PTPRD: variants seen among roughly 807,000 people sequenced by gnomAD.
PTPRD encodes the protein receptor-type tyrosine-protein phosphatase delta.
PTPRD carries 34 observed loss-of-function variants against 214.5 expected under a neutral mutation model. The ratio of observed to expected loss-of-function variants is 0.16; its 90% CI spans 0.12 to 0.21. The LOEUF (loss-of-function observed/expected upper bound fraction) is 0.21, where lower values mean the gene tolerates loss of function less well. Ranked by LOEUF, PTPRD falls within the 10% of genes least tolerant of loss-of-function variation. PTPRD has a pLI of 1.00. For synonymous variants in PTPRD, 1,128 were observed against 845.7 expected (o/e 1.33, Z -5.79); for missense variants, 2,545 against 2,398.7 (o/e 1.06, Z -1.27).
At chr9:8,861,198 G>A (rs2098097232) in intron 11 of PTPRD, 1 of 152,098 alleles carries the variant, frequency 6.6e-6, no homozygotes, top group Admixed American at 6.6e-5. Context: ...TTATCATGAG[G>A]CATCCTAACA....
chr9:8,855,652 G>T (rs1164917597), intron 11 of PTPRD, among the ~76,000 whole-genome samples: 1 of 152,098 alleles, frequency 6.6e-6, no homozygotes, highest in African/African-American at 2.4e-5. Flanking sequence ...ATAAGATACA[G>T]ATAAAAATTG....
intron 9 of PTPRD, among the ~76,000 whole-genome samples, chr9:9,292,747 T>G (rs930538201): frequency 6.6e-6 from 1 of 151,494 alleles, no homozygotes; most frequent in Non-Finnish European, 1.5e-5. Flanking sequence ...GCTGCGACAG[T>G]TTCTTAGACT....
intron 9 of PTPRD, among the ~76,000 whole-genome samples, chr9:9,215,764 C>T (rs2099951747): frequency 6.6e-6 from 1 of 152,136 alleles, no homozygotes; most frequent in Non-Finnish European, 1.5e-5. Flanking sequence ...TACATTGATT[C>T]ATTGATTCAC....
intron 3 of PTPRD, among the ~76,000 whole-genome samples, chr9:10,271,015 G>C (rs1437739509): frequency 6.6e-6 from 1 of 151,982 alleles, no homozygotes; most frequent in African/African-American, 2.4e-5. Flanking sequence ...TGTAGAGATA[G>C]GGTCTTGCTA....
At chr9:10,322,347 C>G (rs968626680) in intron 3 of PTPRD, among the ~76,000 whole-genome samples, 1 of 152,032 alleles carries the variant, frequency 6.6e-6, no homozygotes, top group Non-Finnish European at 1.5e-5. Flanking sequence ...ACACAATAAG[C>G]TATGTTAGGA....
chr9:9,245,849 A>C (rs1259117901), intron 9 of PTPRD, among the ~76,000 whole-genome samples: 1 of 152,130 alleles, frequency 6.6e-6, no homozygotes, highest in African/African-American at 2.4e-5. Context: ...TTGAGCAGAA[A>C]TAAATTTTCT....
At chr9:10,189,236 T>A (rs916401753) in intron 3 of PTPRD, among the ~76,000 whole-genome samples, 1 of 152,152 alleles carries the variant, frequency 6.6e-6, no homozygotes, top group Admixed American at 6.5e-5. Context: ...AATTTCACTG[T>A]GGGAATTGCC....
At chr9:10,084,706 C>G (rs1402134627) in intron 3 of PTPRD, among the ~76,000 whole-genome samples, 1 of 151,922 alleles carries the variant, frequency 6.6e-6, no homozygotes, top group Non-Finnish European at 1.5e-5. Context: ...CTTCGCAACT[C>G]TGCCTTGTGG....
chr9:10,372,073 G>T (rs957103687), intron 2 of PTPRD, among the ~76,000 whole-genome samples: 1 of 151,918 alleles, frequency 6.6e-6, no homozygotes, highest in African/African-American at 2.4e-5. Flanking sequence ...GAGAAAATGG[G>T]GCCAACACAA....
At chr9:10,489,146 G>A (rs2099151852) in intron 2 of PTPRD, among the ~76,000 whole-genome samples, 2 of 152,120 alleles carry the variant, frequency 1.3e-5, no homozygotes, top group African/African-American at 4.8e-5. Context: ...GATCACTCGG[G>A]GCCCAGGAAC....
Position 8,709,545 on chromosome 9 carries a change from A to G in PTPRD, c.64+24235T>C, listed in dbSNP as rs563026953. ...AAAAAAAAAAAAGAAAAAGAAAAAG[A>G]AAAAGAAAAATGCTAACAGAATGGA... On this transcript the variant is annotated intron_variant, in intron 12 of 45. Transcript: ENST00000381196. Among the ~76,000 whole-genome samples, 42 of 151,644 alleles carry G rather than the reference A, an allele frequency of 2.8e-4. No homozygotes were observed. The South Asian group carries it at 5.4e-3, about 20-fold the overall frequency.
chr9:8,507,146 G>A (rs1179930269), intron 22 of PTPRD, among the ~76,000 whole-genome samples, 155 bp downstream of exon 22: 2 of 152,062 alleles, frequency 1.3e-5, no homozygotes, highest in African/African-American at 4.8e-5. Flanking sequence ...TTTTCTTGGG[G>A]GGGAGGGGGA....
intron 7 of PTPRD, among the ~76,000 whole-genome samples, chr9:9,596,914 G>A (rs1592573312): frequency 6.6e-6 from 1 of 151,962 alleles, no homozygotes; most frequent in Non-Finnish European, 1.5e-5. Context: ...TTTATTGTTG[G>A]TGAAACTGAA....
intron 7 of PTPRD, among the ~76,000 whole-genome samples, chr9:9,612,046 T>C (rs557041645): frequency 6.6e-6 from 1 of 152,214 alleles, no homozygotes; most frequent in South Asian, 2.1e-4. Flanking sequence ...TTTTCAGCTT[T>C]GAGAGACATA....
At chr9:9,759,207 A>G (rs2098626059) in intron 6 of PTPRD, among the ~76,000 whole-genome samples, 1 of 152,152 alleles carries the variant, frequency 6.6e-6, no homozygotes, top group African/African-American at 2.4e-5. Context: ...TCCTATAGTA[A>G]TACACATATG....
intron 10 of PTPRD, among the ~76,000 whole-genome samples, chr9:9,113,245 A>C (rs1008215070): frequency 6.6e-6 from 1 of 152,058 alleles, no homozygotes; most frequent in African/African-American, 2.4e-5. Flanking sequence ...GAGGTGCTAC[A>C]ATTACAAGTG....
intron 9 of PTPRD, among the ~76,000 whole-genome samples, chr9:9,372,955 A>G (rs576794656): frequency 5.9e-4 from 89 of 152,136 alleles, no homozygotes; most frequent in African/African-American, 2.1e-3. Context: ...AAACCTTTTA[A>G]TATTACCCCA....
intron 8 of PTPRD, among the ~76,000 whole-genome samples, chr9:9,423,558 A>G (rs11792435): frequency 0.062 from 9,391 of 152,310 alleles, 343 homozygotes; most frequent in Middle Eastern, 0.17. Context: ...CGTGAGAATA[A>G]GAGACAACAG....
At chr9:9,720,577 A>T (rs751008624) in intron 7 of PTPRD, among the ~76,000 whole-genome samples, 7 of 152,126 alleles carry the variant, frequency 4.6e-5, no homozygotes, top group Non-Finnish European at 1.0e-4. Context: ...ATAACCTGCC[A>T]CCTCCATACG....
Sources: allele counts gnomAD v4.1 joint callset (sites outside exome capture counted in the v4.1 genomes callset), GRCh38; gene constraint gnomAD v4.1.1; transcripts MANE v1.5; gene names NCBI Gene and HGNC (gene_info 2026-07-23, HGNC 2026-07-21).